CFHR4: variants seen among roughly 807,000 people sequenced by gnomAD.
CFHR4 encodes complement factor H-related protein 4.
CFHR4 carries 64 observed loss-of-function variants against 69.3 expected under a neutral mutation model. That is an observed-to-expected ratio of 0.92 (90% CI 0.76 to 1.14). The LOEUF (loss-of-function observed/expected upper bound fraction) is 1.14, where lower values mean the gene tolerates loss of function less well. Among genes scored for constraint, CFHR4 ranks in the 50% most tolerant of loss-of-function variants. CFHR4 has a pLI of 0.00. For synonymous variants in CFHR4, 244 were observed against 237.0 expected, an observed-to-expected ratio of 1.03 and a Z score of -0.27; for missense variants, 636 against 684.9, an observed-to-expected ratio of 0.93 and a Z score of 0.80.
Position 196,911,609 on chromosome 1 carries a change from C to A in CFHR4, c.997+1131C>A, listed in dbSNP as rs555980546. On this transcript the variant is annotated intron_variant, in intron 6 of 9. Coordinates refer to ENST00000608469, the MANE Select transcript of CFHR4 (RefSeq NM_001201550.3). ...TTTGTGTGTATTGCTTGCAATTTAC[C>A]AAACATTCCATTATAGAAACCATAT... Among the ~76,000 whole-genome samples, 379 of 151,272 alleles carry A rather than the reference C, an allele frequency of 2.5e-3. 17 individuals are homozygous for A. Among genetic ancestry groups the A allele is most frequent in the African/African-American group, 8.2e-3 (335 of 41,066 alleles).
At chr1:196,911,526 G>A (rs1214686179) in intron 6 of CFHR4, among the ~76,000 whole-genome samples, 1 of 151,338 alleles carries the variant, frequency 6.6e-6, no homozygotes, top group Non-Finnish European at 1.5e-5. Flanking sequence ...TTAAATTAAG[G>A]CTGATCTTCA....
In CFHR4 at chr1:196,917,761, G is replaced by A. The variant is rs1042982868; in HGVS notation, c.1541-449G>A. Among the ~76,000 whole-genome samples, 4 of 151,448 alleles carry A rather than the reference G, an allele frequency of 2.6e-5. 1 individual carries two copies. The highest frequency in any genetic ancestry group is 9.8e-5 in the African/African-American group (4 of 41,008). On this transcript the variant is annotated intron_variant, in intron 9 of 9. Coordinates refer to ENST00000608469, the MANE Select transcript of CFHR4 (RefSeq NM_001201550.3). ...TTCTACAGTTCTTTTTCTACACTGT[G>A]GGCATAAGAGAAAAATATAAACATA...
chr1:196,890,520 A>C (rs2124931566), intron 1 of CFHR4, among the ~76,000 whole-genome samples: 1 of 151,822 alleles, frequency 6.6e-6, no homozygotes, highest in East Asian at 1.9e-4. Context: ...CATTTAATTT[A>C]AAATAGGTTG....
chr1:196,903,093 A>C (rs796159312), intron 2 of CFHR4, among the ~76,000 whole-genome samples: 31 of 151,508 alleles, frequency 2.0e-4, no homozygotes, highest in African/African-American at 7.3e-4. Context: ...AAAATATGGA[A>C]GAACGTATTT....
intron 1 of CFHR4, among the ~76,000 whole-genome samples, chr1:196,896,301 T>G (rs1447278734): frequency 6.6e-5 from 10 of 151,340 alleles, no homozygotes; most frequent in Non-Finnish European, 2.9e-5. Flanking sequence ...TTAGGTTGTC[T>G]CCAGTGTTTT....
chr1:196,901,993 T>A lies in CFHR4; in HGVS notation c.59-425T>A, dbSNP rs145200357. Among the ~76,000 whole-genome samples the A allele has an allele frequency of 1.7e-3, 253 of 151,632 alleles. 6 individuals carry two copies. The highest frequency in any genetic ancestry group is 5.8e-3 in the African/African-American group (238 of 41,194). On this transcript the variant is annotated intron_variant, in intron 1 of 9. Transcript: ENST00000608469. ...TTCCTGTTTCTCTGTAGTTTTTACATTCCTTCCAGTCAATTTTTTAAAATC... is the reference window on the plus strand; with the variant it reads ...TTCCTGTTTCTCTGTAGTTTTTACAATCCTTCCAGTCAATTTTTTAAAATC...
At position 196,916,511 on chromosome 1, in the gene CFHR4, G is replaced by A. The variant is rs183982381; in HGVS notation, c.1540+1373G>A. On this transcript the variant is annotated intron_variant, in intron 9 of 9. Coordinates refer to ENST00000608469, the MANE Select transcript of CFHR4 (RefSeq NM_001201550.3). ...TGATATTTTGGCTGATCTTACAATG[G>A]GCTAAACCTTAATTATTGTCCCCTA... is the stretch of plus-strand genomic sequence containing the variant. Among the ~76,000 whole-genome samples, 511 of 151,802 alleles carry A rather than the reference G, an allele frequency of 3.4e-3. 11 individuals are homozygous for A. The highest frequency in any genetic ancestry group is 0.012 in the African/African-American group (482 of 41,310).
At chr1:196,888,337 A>G (rs891978704) in intron 1 of CFHR4, 129 bp downstream of exon 1, 7 of 852,074 alleles carry the variant, frequency 8.2e-6, no homozygotes, top group Admixed American at 2.3e-5. Context: ...CAGAAGTAGC[A>G]TATTTTGTGA....
chr1:196,890,131 A>G (rs1195720846), intron 1 of CFHR4, among the ~76,000 whole-genome samples: 2 of 151,598 alleles, frequency 1.3e-5, no homozygotes, highest in Non-Finnish European at 2.9e-5. Flanking sequence ...ATGGATACGT[A>G]TATACCCACC....
In CFHR4 at chr1:196,905,517, C is replaced by T. The variant is rs551058688; in HGVS notation, c.439+227C>T. 4.6e-5 allele frequency among the ~76,000 whole-genome samples: 7 copies of T among 151,518 alleles called. No homozygotes were observed. In the South Asian group the frequency reaches 8.3e-4, roughly 18 times the overall value. On this transcript the variant is annotated intron_variant, in intron 3 of 9. Coordinates refer to ENST00000608469, the MANE Select transcript of CFHR4 (RefSeq NM_001201550.3). ...TCTCTCTCAATTCAATTTGCCTTTACGTAAAAGCAATCCCATCAGGTACAG... is the reference window on the plus strand; with the variant it reads ...TCTCTCTCAATTCAATTTGCCTTTATGTAAAAGCAATCCCATCAGGTACAG...
intron 2 of CFHR4, among the ~76,000 whole-genome samples, chr1:196,903,498 C>CA (rs1657735165): frequency 6.6e-6 from 1 of 150,624 alleles, no homozygotes; most frequent in East Asian, 2.0e-4. Context: ...ACTAAAAATA[C>CA]AAAAATTAGC....
At chr1:196,905,958 C>T (rs997676869) in intron 3 of CFHR4, among the ~76,000 whole-genome samples, 2 of 151,430 alleles carry the variant, frequency 1.3e-5, no homozygotes, top group African/African-American at 4.9e-5. Flanking sequence ...GCATAATGAA[C>T]AATGGAAACC....
At chr1:196,900,153 A>G (rs1338718961) in intron 1 of CFHR4, among the ~76,000 whole-genome samples, 1 of 151,394 alleles carries the variant, frequency 6.6e-6, no homozygotes. Context: ...CACTATAAAA[A>G]TTAGTGAGTA....
chr1:196,914,868 T>C (rs1658504020), intron 8 of CFHR4, 88 bp from the exon 9 acceptor site: 2 of 1,511,888 alleles, frequency 1.3e-6, no homozygotes, highest in Non-Finnish European at 8.9e-7. Context: ...TCAAATAAGA[T>C]ACAGTTAAGA....
At chr1:196,900,727 C>G (rs1315343769) in intron 1 of CFHR4, among the ~76,000 whole-genome samples, 1 of 150,896 alleles carries the variant, frequency 6.6e-6, no homozygotes, top group African/African-American at 2.4e-5. Flanking sequence ...TTGCAAAGTT[C>G]AAAGGTAAAG....
In CFHR4 at chr1:196,908,441, CAAGA is replaced by C. The variant is rs974211712; in HGVS notation, c.799+954_799+957del. On this transcript the variant is annotated intron_variant, in intron 5 of 9. Transcript: ENST00000608469. ...TCTTACACTTTACCAGTATTTCTAG[CAAGA>C]AAGAAAGAAATTAACAGAAAGCTCA... Among the ~76,000 whole-genome samples, 14 of 151,434 alleles carry C rather than the reference CAAGA, an allele frequency of 9.2e-5. 1 individual carries two copies. Among genetic ancestry groups the C allele is most frequent in the East Asian group, 7.7e-4 (4 of 5,164 alleles).
chr1:196,907,512 A>G lies in CFHR4; in HGVS notation c.799+14A>G. ...CAAGATGCATATGTAAGTTCTTAAT[A>G]TTCTGGATCTGAGAAAATTAGAGTA... On this transcript the variant is annotated intron_variant, in intron 5 of 9. Transcript: ENST00000608469. 2 of 1,592,818 alleles carry G rather than the reference A, an allele frequency of 1.3e-6. No homozygotes were observed. The highest frequency in any genetic ancestry group is 1.7e-6 in the Non-Finnish European group (2 of 1,166,144).
Position 196,893,693 on chromosome 1 carries a change from AACC to A in CFHR4, c.58+5486_58+5488del, listed in dbSNP as rs1394151272. ...AGGTTAATGAACACAAGAAAATGAT[AACC>A]CACATTAGATTTATGTTTGGCTGAT... is the stretch of plus-strand genomic sequence containing the variant. On this transcript the variant is annotated intron_variant, in intron 1 of 9. Transcript: ENST00000608469. Among the ~76,000 whole-genome samples, 40 of 151,696 alleles carry A rather than the reference AACC, an allele frequency of 2.6e-4. 1 individual carries two copies. Among genetic ancestry groups the A allele is most frequent in the African/African-American group, 9.2e-4 (38 of 41,216 alleles).
chr1:196,918,473 A>C lies in CFHR4; in HGVS notation c.*67A>C. 7.0e-7 allele frequency: 1 copy of C among 1,429,656 alleles called. No homozygotes were observed. The highest frequency in any genetic ancestry group is 1.2e-5 in the South Asian group (1 of 86,162). 88.6% of individuals were successfully genotyped at this position (1,429,656 alleles called of 1,614,324 possible). A position where few individuals can be genotyped will look rare whatever the true frequency, so the allele number is the denominator to read the frequency against. On this transcript the variant is annotated 3_prime_UTR_variant, in exon 10 of 10. Coordinates refer to ENST00000608469, the MANE Select transcript of CFHR4 (RefSeq NM_001201550.3). The stretch of plus-strand genomic sequence containing the variant: ...TCACTCTTATGGTCTCAAAGCTTGC[A>C]AAGATAGCTTCTGATATTGTTGTAA...
Sources: allele counts gnomAD v4.1 joint callset (sites outside exome capture counted in the v4.1 genomes callset), GRCh38; gene constraint gnomAD v4.1.1; transcripts MANE v1.5; gene names NCBI Gene and HGNC (gene_info 2026-07-23, HGNC 2026-07-21).